The following RFX2 variants were observed in gnomAD, a reference collection of about 807,000 sequenced individuals.
RFX2 encodes the protein regulatory factor X2.
Under a neutral mutation model 87.8 loss-of-function variants are expected in RFX2, and 20 were observed. The ratio of observed to expected loss-of-function variants is 0.23; its 90% CI spans 0.16 to 0.33. RFX2 has a LOEUF of 0.33. Among genes scored for constraint, RFX2 ranks in the 10% least tolerant of loss-of-function variants. The probability of loss-of-function intolerance (pLI) is 1.00; values close to 1 mark genes in which losing one functional copy is unlikely to be tolerated. For missense variants in RFX2, 767 were observed against 1,012.3 expected (o/e 0.76, Z 3.29); for synonymous variants, 397 against 431.3 (o/e 0.92, Z 0.98).
At position 6,004,183 on chromosome 19, in the gene RFX2, G is replaced by A. The variant is rs751563796; in HGVS notation, c.1500+18C>T. 16 of 1,598,128 alleles carry A rather than the reference G, an allele frequency of 1.0e-5. No individual in the cohort carries two copies. In the South Asian group the frequency reaches 1.3e-4, roughly 13 times the overall value. On this transcript the variant is annotated intron_variant, in intron 13 of 17. Transcript: ENST00000303657. The surrounding 1 kb of genome is among the most constrained non-coding windows in gnomAD (Gnocchi z 4.8). The stretch of plus-strand genomic sequence containing the variant: ...TCCCAGCCATCGTTGGGGAGCCCAG[G>A]CCCCACCCCGGACGCACCTTGGTCT...
intron 5 of RFX2, among the ~76,000 whole-genome samples, chr19:6,032,331 C>G (rs1347102728): frequency 6.6e-6 from 1 of 152,034 alleles, no homozygotes; most frequent in East Asian, 1.9e-4. Flanking sequence ...AGGGTTTCAC[C>G]ATGTTGGCCA....
In RFX2 at chr19:6,056,606, T is replaced by C. The variant is rs2087346908; in HGVS notation, c.-8-9102A>G. On this transcript the variant is annotated intron_variant, in intron 1 of 17. Coordinates refer to ENST00000303657, the MANE Select transcript of RFX2 (RefSeq NM_000635.4). This position sits in a 1 kb window ranked among gnomAD's most constrained non-coding sequence, Gnocchi z 4.6. ...ACAGGGACGCACACTGTGGAGCACCTTTGCAGCACCCAGTTTGGGAACCCC... is the reference window on the plus strand; with the variant it reads ...ACAGGGACGCACACTGTGGAGCACCCTTGCAGCACCCAGTTTGGGAACCCC... 6.6e-6 allele frequency among the ~76,000 whole-genome samples: 1 copy of C among 152,160 alleles called. No homozygotes were observed. The highest frequency in any genetic ancestry group is 2.4e-5 in the African/African-American group (1 of 41,430).
intron 1 of RFX2, among the ~76,000 whole-genome samples, chr19:6,082,676 G>A (rs2087802251): frequency 4.6e-5 from 7 of 151,992 alleles, no homozygotes; most frequent in Admixed American, 3.9e-4. Context: ...CATGGGATCC[G>A]CCCACTTTGG....
intron 1 of RFX2, among the ~76,000 whole-genome samples, chr19:6,104,511 G>A (rs2088179287): frequency 6.6e-6 from 1 of 151,426 alleles, no homozygotes; most frequent in Non-Finnish European, 1.5e-5. Flanking sequence ...GGAGCTTGCA[G>A]TGAGCTGAGA....
At chr19:6,084,039 G>A (rs529240032) in intron 1 of RFX2, among the ~76,000 whole-genome samples, 19 of 152,280 alleles carry the variant, frequency 1.2e-4, no homozygotes, top group Non-Finnish European at 2.5e-4. Flanking sequence ...AGAGAAGACC[G>A]GATATGGGAG....
rs541708878 is a variant in RFX2, at chr19:6,045,740, C to T, written c.91-1458G>A. On this transcript the variant is annotated intron_variant, in intron 2 of 17. Transcript: ENST00000303657. This position sits in a 1 kb window ranked among gnomAD's most constrained non-coding sequence, Gnocchi z 5.2. ...AGGCTGAAGTGCGATGGCACGATCT[C>T]GGCTCACTATAACCTCTGCCTCCTG... 9.9e-5 allele frequency among the ~76,000 whole-genome samples: 15 copies of T among 152,170 alleles called. No individual in the cohort carries two copies. In the South Asian group the frequency reaches 2.9e-3, roughly 29 times the overall value.
intron 5 of RFX2, among the ~76,000 whole-genome samples, chr19:6,029,225 A>C (rs1169363252): frequency 1.3e-5 from 2 of 152,038 alleles, no homozygotes; most frequent in Admixed American, 6.6e-5. Context: ...TATTCAAAAT[A>C]TCCAGTTTTC....
At position 6,070,696 on chromosome 19, in the gene RFX2, T is replaced by G. The variant is rs573107555; in HGVS notation, c.-8-23192A>C. 1.8e-3 allele frequency among the ~76,000 whole-genome samples: 274 copies of G among 152,276 alleles called. 1 individual carries two copies. The highest frequency in any genetic ancestry group is 6.0e-3 in the African/African-American group (251 of 41,542). ...GGTTTATGCACATGATTTGCCTTTT[T>G]CACTGCTTTCTTTTTCTTTTCTAGA... On this transcript the variant is annotated intron_variant, in intron 1 of 17. Transcript: ENST00000303657.
chr19:6,070,203 T>G, intron 1 of RFX2, among the ~76,000 whole-genome samples: 1 of 574 alleles, frequency 1.7e-3, no homozygotes, highest in African/African-American at 4.6e-3. Flanking sequence ...GGGATGTGGA[T>G]GGGATGGGAT....
rs942862851 is a variant in RFX2 at position 6,074,982 on chromosome 19, G to C, written c.-8-27478C>G. On this transcript the variant is annotated intron_variant, in intron 1 of 17. Transcript: ENST00000303657. This position sits in a 1 kb window ranked among gnomAD's most constrained non-coding sequence, Gnocchi z 5.2. Reference sequence around the variant, plus strand: ...GGCCTTTGGGAGGTGATTAGGTCATGAGGGTGGGATCATGCCCTCCCTTAT... The same window carrying C: ...GGCCTTTGGGAGGTGATTAGGTCATCAGGGTGGGATCATGCCCTCCCTTAT... Among the ~76,000 whole-genome samples the C allele has an allele frequency of 1.3e-5, 2 of 152,074 alleles. No homozygotes were observed. Among genetic ancestry groups the C allele is most frequent in the Non-Finnish European group, 2.9e-5 (2 of 68,018 alleles).
intron 1 of RFX2, among the ~76,000 whole-genome samples, chr19:6,094,859 T>G (rs1822236349): frequency 6.6e-6 from 1 of 152,246 alleles, no homozygotes; most frequent in Non-Finnish European, 1.5e-5. Context: ...CCAGGTGCAG[T>G]GGCTCATGCC....
At chr19:6,109,851 A>T (rs2088277982) in intron 1 of RFX2, among the ~76,000 whole-genome samples, 1 of 151,698 alleles carries the variant, frequency 6.6e-6, no homozygotes, top group African/African-American at 2.4e-5. Context: ...GTTTGAGTAA[A>T]AGAAGGGTCC....
chr19:6,039,963 A>G lies in RFX2; in HGVS notation c.522+17T>C. 4 of 1,541,270 alleles carry G rather than the reference A, an allele frequency of 2.6e-6. No homozygotes were observed. The highest frequency in any genetic ancestry group is 3.5e-6 in the Non-Finnish European group (4 of 1,135,276). On this transcript the variant is annotated intron_variant, in intron 5 of 17. Coordinates refer to ENST00000303657, the MANE Select transcript of RFX2 (RefSeq NM_000635.4). The surrounding 1 kb of genome is among the most constrained non-coding windows in gnomAD (Gnocchi z 5.2). ...ACTCATGGCCTACCCTGCTGGTCCC[A>G]AGAGCCTCCTACATACCGTGGCGGG...
chr19:6,033,730 G>A (rs912206289), intron 5 of RFX2, among the ~76,000 whole-genome samples: 5 of 150,532 alleles, frequency 3.3e-5, no homozygotes, highest in Admixed American at 6.6e-5. Context: ...TAATGTGAAC[G>A]GGACTGTAGT....
At position 6,040,903 on chromosome 19, in the gene RFX2, G is replaced by C. The variant is rs2087096780; in HGVS notation, c.261-662C>G. Among the ~76,000 whole-genome samples the C allele has an allele frequency of 6.6e-6, 1 of 152,184 alleles. No individual in the cohort carries two copies. The highest frequency in any genetic ancestry group is 2.4e-5 in the African/African-American group (1 of 41,438). The stretch of plus-strand genomic sequence containing the variant: ...TCTACACATGGGCTAAAAATGCAAA[G>C]AAATAGACACGCACGCACATGCAAG... On this transcript the variant is annotated intron_variant, in intron 4 of 17. Coordinates refer to ENST00000303657, the MANE Select transcript of RFX2 (RefSeq NM_000635.4). This position sits in a 1 kb window ranked among gnomAD's most constrained non-coding sequence, Gnocchi z 6.1.
intron 6 of RFX2, among the ~76,000 whole-genome samples, chr19:6,019,477 A>G (rs1289530965): frequency 6.7e-6 from 1 of 149,748 alleles, no homozygotes; most frequent in Non-Finnish European, 1.5e-5. Context: ...GAATACTATG[A>G]ACCACAACCT....
At chr19:6,048,572 T>A (rs897812391) in intron 1 of RFX2, among the ~76,000 whole-genome samples, 13 of 152,182 alleles carry the variant, frequency 8.5e-5, no homozygotes, top group African/African-American at 3.1e-4. Flanking sequence ...GGGGTCTCCA[T>A]GGCTCCTGCC....
In RFX2 at chr19:6,007,866, G is replaced by T; in HGVS notation, c.1135-64C>A. Reference sequence around the variant, plus strand: ...CGCCCATCACGTGCACTCAGCACACGTCAAGTGAGCAGCCGTGATCCGGGC... The same window carrying T: ...CGCCCATCACGTGCACTCAGCACACTTCAAGTGAGCAGCCGTGATCCGGGC... On this transcript the variant is annotated intron_variant, in intron 10 of 17. Coordinates refer to ENST00000303657, the MANE Select transcript of RFX2 (RefSeq NM_000635.4). This position sits in a 1 kb window ranked among gnomAD's most constrained non-coding sequence, Gnocchi z 8.2. 2 of 1,154,180 alleles carry T rather than the reference G, an allele frequency of 1.7e-6. No homozygotes were observed. The highest frequency in any genetic ancestry group is 1.3e-6 in the Non-Finnish European group (1 of 785,604). The allele number at this position is 1,154,180 out of a possible 1,614,324, so 71.5% of individuals were successfully genotyped here.
chr19:5,999,526 A>C lies in RFX2; in HGVS notation c.1859+2289T>G, dbSNP rs1292153031. Among the ~76,000 whole-genome samples, 4 of 151,836 alleles carry C rather than the reference A, an allele frequency of 2.6e-5. No homozygotes were observed. The highest frequency in any genetic ancestry group is 7.3e-5 in the African/African-American group (3 of 41,282). On this transcript the variant is annotated intron_variant, in intron 15 of 17. Transcript: ENST00000303657. The surrounding 1 kb of genome is among the most constrained non-coding windows in gnomAD (Gnocchi z 4.1). ...ATTATCCCAGTGTGGCTTTATTGTA[A>C]TTTCTGGCTACACTGGTGTTTCTGT...
Sources: gnomAD v4.1 joint callset for allele counts (sites outside exome capture counted in the v4.1 genomes callset) on GRCh38, gnomAD v4.1.1 for gene constraint, Gnocchi (gnomAD v3.1) non-coding constraint, MANE v1.5 for transcripts, NCBI Gene and HGNC (gene_info 2026-07-23, HGNC 2026-07-21) for gene names.